PCMTD1: variants seen among roughly 807,000 people sequenced by gnomAD.
PCMTD1 encodes the protein protein-L-isoaspartate O-methyltransferase domain-containing protein 1.
PCMTD1 carries 12 observed loss-of-function variants against 37.6 expected under a neutral mutation model. That is an observed-to-expected ratio of 0.32 (90% CI 0.20 to 0.52). PCMTD1 has a LOEUF of 0.52. PCMTD1 is among the 20% of genes least tolerant of loss of function. The pLI is 0.97. For missense variants in PCMTD1, 235 were observed against 421.3 expected, an observed-to-expected ratio of 0.56 and a Z score of 3.87; for synonymous variants, 117 against 135.8, an observed-to-expected ratio of 0.86 and a Z score of 0.96.
intron 2 of PCMTD1, among the ~76,000 whole-genome samples, chr8:51,857,127 G>GAGA (rs2038402809): frequency 6.6e-6 from 1 of 152,088 alleles, no homozygotes; most frequent in Admixed American, 6.6e-5. Context: ...AGAGTGTAGA[G>GAGA]GTCAAACATC....
chr8:51,880,593 T>C lies in PCMTD1; in HGVS notation c.-96+18337A>G, dbSNP rs16916936. Among the ~76,000 whole-genome samples the C allele has an allele frequency of 5.8e-3, 876 of 152,250 alleles. 8 individuals carry two copies. Among genetic ancestry groups the C allele is most frequent in the African/African-American group, 0.02 (833 of 41,538 alleles). ...ACGTACATGAACAACCTTTTCAATC[T>C]CCAAAGGAACAACTATGACACCTTT... On this transcript the variant is annotated intron_variant, in intron 1 of 5. Transcript: ENST00000522514.
intron 1 of PCMTD1, among the ~76,000 whole-genome samples, chr8:51,879,681 T>C (rs1213215905): frequency 6.6e-6 from 1 of 152,156 alleles, no homozygotes; most frequent in African/African-American, 2.4e-5. Context: ...ACTATGTATC[T>C]CATTTCAGGT....
chr8:51,833,737 T>C (rs752693634), intron 3 of PCMTD1, 48 bp from the exon 4 acceptor site: 7 of 1,524,820 alleles, frequency 4.6e-6, no homozygotes, highest in African/African-American at 2.7e-5. Context: ...AAACATTAGA[T>C]CTAAAAAATT....
upstream of PCMTD1, chr8:51,899,128 G>T (rs1457874326): frequency 1.4e-6 from 2 of 1,395,622 alleles, no homozygotes; most frequent in East Asian, 3.0e-5. Context: ...AGAACCACGG[G>T]CACAGGGGCA....
chr8:51,833,732 T>C, intron 3 of PCMTD1, 43 bp from the exon 4 acceptor site: 1 of 1,546,366 alleles, frequency 6.5e-7, no homozygotes, highest in Non-Finnish European at 8.7e-7. Context: ...AAGCAAAACA[T>C]TAGATCTAAA....
intron 1 of PCMTD1, among the ~76,000 whole-genome samples, chr8:51,881,213 T>C (rs1028642104): frequency 2.0e-4 from 31 of 151,626 alleles, no homozygotes; most frequent in Admixed American, 1.2e-3. Context: ...CTGTTTTATA[T>C]TGTGAAGTGT....
At chr8:51,876,682 G>A (rs548605473) in intron 1 of PCMTD1, among the ~76,000 whole-genome samples, 1 of 152,268 alleles carries the variant, frequency 6.6e-6, no homozygotes, top group Admixed American at 6.5e-5. Context: ...AGATAAAGAA[G>A]CCAGCTTGAA....
intron 5 of PCMTD1, among the ~76,000 whole-genome samples, chr8:51,821,340 T>C (rs564156564): frequency 1.3e-5 from 2 of 152,298 alleles, no homozygotes; most frequent in South Asian, 4.1e-4. Context: ...GATCTCACTA[T>C]ATTGCCTAGG....
At position 51,845,833 on chromosome 8, in the gene PCMTD1, T is replaced by C. The variant is rs572819603; in HGVS notation, c.308-70A>G. The C allele has an allele frequency of 4.9e-6, 5 of 1,023,852 alleles. No individual in the cohort carries two copies. In the East Asian group the frequency reaches 1.3e-4, roughly 26 times the overall value. 63.4% of individuals were successfully genotyped at this position (1,023,852 alleles called of 1,614,324 possible). ...CCTTACAGAGCTCTTTTTTAAGTTC[T>C]GCTCATTTATACATCACAGGAGTAT... On this transcript the variant is annotated intron_variant, in intron 2 of 5. Transcript: ENST00000522514.
intron 1 of PCMTD1, among the ~76,000 whole-genome samples, chr8:51,895,079 T>C (rs1212321671): frequency 6.6e-6 from 1 of 152,054 alleles, no homozygotes; most frequent in Non-Finnish European, 1.5e-5. Flanking sequence ...GAATGAGCAG[T>C]TGAAACCACG....
At chr8:51,833,720 T>C in intron 3 of PCMTD1, 31 bp from the exon 4 acceptor site, 3 of 1,585,976 alleles carry the variant, frequency 1.9e-6, no homozygotes, top group Non-Finnish European at 2.6e-6. Flanking sequence ...TTTAATTCAA[T>C]TAAGCAAAAC....
intron 2 of PCMTD1, 89 bp from the exon 3 acceptor site, chr8:51,845,852 G>A: frequency 3.7e-6 from 3 of 812,556 alleles, no homozygotes; most frequent in Admixed American, 5.0e-5. Flanking sequence ...ATACATCACA[G>A]GAGTATTTAA....
intron 5 of PCMTD1, among the ~76,000 whole-genome samples, chr8:51,830,633 C>A (rs2037984977): frequency 6.6e-6 from 1 of 152,194 alleles, no homozygotes; most frequent in Non-Finnish European, 1.5e-5. Context: ...ATAATCCACC[C>A]TCCACAGGCA....
intron 4 of PCMTD1, among the ~76,000 whole-genome samples, chr8:51,832,781 T>TG (rs2038015366): frequency 6.6e-6 from 1 of 151,742 alleles, no homozygotes; most frequent in Non-Finnish European, 1.5e-5. Context: ...TCGGTACTAA[T>TG]GAAGATTTTT....
chr8:51,893,789 A>G (rs1029667377), intron 1 of PCMTD1, among the ~76,000 whole-genome samples: 11 of 152,326 alleles, frequency 7.2e-5, no homozygotes, highest in Admixed American at 7.2e-4. Flanking sequence ...ACACACAATT[A>G]AAAACTCAAA....
chr8:51,867,474 ATGGTGTG>A (rs889852052), intron 1 of PCMTD1, among the ~76,000 whole-genome samples: 1 of 133,340 alleles, frequency 7.5e-6, no homozygotes, highest in African/African-American at 3.1e-5. Flanking sequence ...GGTAAAGAAA[ATGGTGTG>A]TGTGTGTGTG....
chr8:51,851,520 C>T (rs1244967423), intron 2 of PCMTD1, among the ~76,000 whole-genome samples: 1 of 152,108 alleles, frequency 6.6e-6, no homozygotes, highest in Non-Finnish European at 1.5e-5. Context: ...TATGACTATA[C>T]CTCAATGTGC....
intron 1 of PCMTD1, among the ~76,000 whole-genome samples, chr8:51,877,877 T>G (rs137920641): frequency 1.3e-5 from 2 of 152,350 alleles, no homozygotes; most frequent in Admixed American, 6.5e-5. Flanking sequence ...TGCGCTTCTC[T>G]AAGAAAACAT....
intron 2 of PCMTD1, among the ~76,000 whole-genome samples, chr8:51,854,289 T>G (rs1042431706): frequency 6.6e-6 from 1 of 152,114 alleles, no homozygotes; most frequent in Non-Finnish European, 1.5e-5. Context: ...CAAAATCACC[T>G]GGATGTTGAT....
Sources: allele counts gnomAD v4.1 joint callset (sites outside exome capture counted in the v4.1 genomes callset), GRCh38; gene constraint gnomAD v4.1.1; transcripts MANE v1.5; gene names NCBI Gene and HGNC (gene_info 2026-07-23, HGNC 2026-07-21).